HTN3: variants seen among roughly 807,000 people sequenced by gnomAD.
HTN3 encodes the protein histatin-3.
Under a neutral mutation model 10.6 loss-of-function variants are expected in HTN3, and 15 were observed. The observed-to-expected ratio is 1.42, with a 90% CI of 0.95 to 2.18. The LOEUF (loss-of-function observed/expected upper bound fraction) is 2.18, where lower values mean the gene tolerates loss of function less well. HTN3 is among the 30% of genes most tolerant of loss of function. The pLI is 0.00. For synonymous variants in HTN3, 15 were observed against 16.9 expected, an observed-to-expected ratio of 0.89 and a Z score of 0.27; for missense variants, 68 against 58.0, an observed-to-expected ratio of 1.17 and a Z score of -0.56.
intron 5 of HTN3, among the ~76,000 whole-genome samples, chr4:70,035,439 T>C (rs1189989637): frequency 1.3e-5 from 2 of 152,336 alleles, no homozygotes; most frequent in East Asian, 1.9e-4. Flanking sequence ...GTTGTGGCCA[T>C]GGGTTTCTCT....
In HTN3 at chr4:70,030,304, A is replaced by T. The variant is rs182536759; in HGVS notation, c.-13-424A>T. ...TGTGTGTTTCCTTAGCATATTAATA[A>T]TTCCAAATTAGAGCACTCACCTTTA... On this transcript the variant is annotated intron_variant, in intron 1 of 5. Coordinates refer to ENST00000673563, the MANE Select transcript of HTN3 (RefSeq NM_000200.3). Among the ~76,000 whole-genome samples, 43 of 152,238 alleles carry T rather than the reference A, an allele frequency of 2.8e-4. 2 individuals are homozygous for T. In the East Asian group the frequency reaches 2.9e-3, roughly 10 times the overall value.
intron 4 of HTN3, among the ~76,000 whole-genome samples, chr4:70,032,601 C>T (rs1026194845): frequency 5.9e-5 from 9 of 151,882 alleles, no homozygotes; most frequent in Admixed American, 5.3e-4. Context: ...ATTATTTTGA[C>T]CTCTAATATC....
intron 1 of HTN3, among the ~76,000 whole-genome samples, chr4:70,029,956 C>T (rs114921928): frequency 3.3e-3 from 504 of 152,284 alleles, no homozygotes; most frequent in South Asian, 5.4e-3. Flanking sequence ...GGCTCATATT[C>T]ACTGACTTTA....
chr4:70,031,946 A>G (rs1412899240), intron 2 of HTN3, 33 bp from the exon 3 acceptor site: 11 of 1,400,570 alleles, frequency 7.9e-6, no homozygotes, highest in Non-Finnish European at 1.1e-5. Flanking sequence ...AAATTAAGAT[A>G]TTAATTATTT....
At chr4:70,030,888 C>T in intron 2 of HTN3, 97 bp downstream of exon 2, 1 of 888,170 alleles carries the variant, frequency 1.1e-6, no homozygotes, top group African/African-American at 1.7e-5. Flanking sequence ...ATGTTCACCT[C>T]AATACAGCTT....
chr4:70,029,130 T>G (rs566358748), intron 1 of HTN3, among the ~76,000 whole-genome samples: 1 of 152,058 alleles, frequency 6.6e-6, no homozygotes, highest in Non-Finnish European at 1.5e-5. Context: ...GGAAATATGT[T>G]TTTCAAAACT....
At chr4:70,033,936 A>G (rs1725446683) in intron 5 of HTN3, 1 of 152,044 alleles carries the variant, frequency 6.6e-6, no homozygotes, top group Non-Finnish European at 1.5e-5. Context: ...GACAATCCTG[A>G]CAAAAACAAG....
intron 5 of HTN3, chr4:70,034,444 A>G (rs1343382956): frequency 6.6e-6 from 1 of 152,214 alleles, no homozygotes; most frequent in Admixed American, 6.6e-5. Flanking sequence ...TGGCCAACAA[A>G]CATGAAAATA....
chr4:70,032,304 T>C (rs1725400627), intron 4 of HTN3, among the ~76,000 whole-genome samples, 197 bp downstream of exon 4: 1 of 152,060 alleles, frequency 6.6e-6, no homozygotes, highest in Admixed American at 6.6e-5. Context: ...CAACGGAAAC[T>C]CAATTACACT....
chr4:70,030,956 TA>T lies in HTN3; in HGVS notation c.51+166del, dbSNP rs1725370851. Reference sequence around the variant, plus strand: ...AACCTATATAAGTTCTTAAAGGACTTAGAATAAATATTCATTACATACCTGC... The same window carrying T: ...AACCTATATAAGTTCTTAAAGGACTTGAATAAATATTCATTACATACCTGC... On this transcript the variant is annotated intron_variant, in intron 2 of 5. Coordinates refer to ENST00000673563, the MANE Select transcript of HTN3 (RefSeq NM_000200.3). 14 of 572,790 alleles carry T rather than the reference TA, an allele frequency of 2.4e-5. No homozygotes were observed. The East Asian group carries it at 4.6e-4, about 19-fold the overall frequency. The allele number at this position is 572,790 out of a possible 1,614,324, so 35.5% of individuals were successfully genotyped here.
intron 1 of HTN3, 90 bp from the exon 2 acceptor site, chr4:70,030,638 A>G (rs13123938): frequency 0.55 from 489,130 of 884,902 alleles, 137,613 homozygotes; most frequent in East Asian, 0.64. Context: ...ATGTCTCCCA[A>G]TGCTTTGAAG....
chr4:70,031,644 T>A (rs535699815), intron 2 of HTN3, among the ~76,000 whole-genome samples: 1 of 152,274 alleles, frequency 6.6e-6, no homozygotes, highest in African/African-American at 2.4e-5. Context: ...GCTTTTGAGC[T>A]ACATAGAACA....
At chr4:70,030,862 G>T in intron 2 of HTN3, 71 bp downstream of exon 2, 3 of 1,179,158 alleles carry the variant, frequency 2.5e-6, no homozygotes, top group Admixed American at 1.8e-5. Flanking sequence ...TATTCCTTAC[G>T]TTCTGCCATA....
At chr4:70,030,190 C>T (rs1238408801) in intron 1 of HTN3, among the ~76,000 whole-genome samples, 2 of 152,178 alleles carry the variant, frequency 1.3e-5, no homozygotes, top group Non-Finnish European at 2.9e-5. Context: ...CAACACCTCC[C>T]TTTACTCATT....
Position 70,034,286 on chromosome 4 carries a change from G to C in HTN3, c.*33+1033G>C, listed in dbSNP as rs1415227461. ...TGAACAGGTAACTTAGAGATTGGGA[G>C]AAAATTTTTGCAGTCTACCCATCTG... On this transcript the variant is annotated intron_variant, in intron 5 of 5. Transcript: ENST00000673563. 6 of 152,088 alleles carry C rather than the reference G, an allele frequency of 3.9e-5. No homozygotes were observed. The South Asian group carries it at 8.3e-4, about 21-fold the overall frequency. The allele number at this position is 152,088 out of a possible 1,614,324, so 9.4% of individuals were successfully genotyped here.
At position 70,033,263 on chromosome 4, in the gene HTN3, C is replaced by T; in HGVS notation, c.*33+10C>T. On this transcript the variant is annotated intron_variant, in intron 5 of 5. Coordinates refer to ENST00000673563, the MANE Select transcript of HTN3 (RefSeq NM_000200.3). ...GGGCATGATTATGGAGGTAAGCTGA[C>T]TCTAGTTACTTTTCTTTCTAGAAGT... 1 of 1,234,830 alleles carries T rather than the reference C, an allele frequency of 8.1e-7. No homozygotes were observed. The highest frequency in any genetic ancestry group is 1.5e-5 in the African/African-American group (1 of 64,936). 76.5% of individuals were successfully genotyped at this position (1,234,830 alleles called of 1,614,324 possible). A position where few individuals can be genotyped will look rare whatever the true frequency, so the allele number is the denominator to read the frequency against.
chr4:70,034,434 T>G (rs1420231632), intron 5 of HTN3: 4 of 152,152 alleles, frequency 2.6e-5, no homozygotes, highest in Non-Finnish European at 4.4e-5. Flanking sequence ...GACATTTATG[T>G]GGCCAACAAA....
chr4:70,028,939 A>T (rs1725307512), intron 1 of HTN3, among the ~76,000 whole-genome samples: 1 of 152,036 alleles, frequency 6.6e-6, no homozygotes, highest in Non-Finnish European at 1.5e-5. Flanking sequence ...GTCGTAAACT[A>T]TTTTATTACT....
At chr4:70,034,118 A>C (rs1725451505) in intron 5 of HTN3, 1 of 152,196 alleles carries the variant, frequency 6.6e-6, no homozygotes, top group Admixed American at 6.5e-5. Flanking sequence ...AAGAAAACCT[A>C]GGTGATATCA....
Sources: gnomAD v4.1 joint callset for allele counts (sites outside exome capture counted in the v4.1 genomes callset) on GRCh38, gnomAD v4.1.1 for gene constraint, MANE v1.5 for transcripts, NCBI Gene and HGNC (gene_info 2026-07-23, HGNC 2026-07-21) for gene names.